The following DPP10 variants were observed in gnomAD, a reference collection of about 807,000 sequenced individuals.
DPP10 encodes the protein dipeptidyl peptidase like 10.
In DPP10, 33 loss-of-function variants were observed where a neutral mutation model predicts 120.9. That is an observed-to-expected ratio of 0.27 (90% CI 0.21 to 0.37). The LOEUF (loss-of-function observed/expected upper bound fraction) is 0.37. Ranked by LOEUF, DPP10 falls within the 10% of genes least tolerant of loss-of-function variation. DPP10 has a pLI of 1.00. For synonymous variants in DPP10, 337 were observed against 326.1 expected (o/e 1.03, Z -0.36); for missense variants, 816 against 942.8 (o/e 0.87, Z 1.76).
At chr2:114,518,322 C>T (rs2104633238) in intron 1 of DPP10, among the ~76,000 whole-genome samples, 1 of 152,200 alleles carries the variant, frequency 6.6e-6, no homozygotes, top group South Asian at 2.1e-4. Context: ...AGGTAGTCCA[C>T]CTGCCTCGGC....
intron 1 of DPP10, among the ~76,000 whole-genome samples, chr2:114,824,581 G>A (rs1407630553): frequency 1.3e-5 from 2 of 151,684 alleles, no homozygotes; most frequent in Non-Finnish European, 1.5e-5. Context: ...GTTCATTTCA[G>A]ATATTTGGTA....
At chr2:114,626,747 T>C (rs934937734) in intron 1 of DPP10, among the ~76,000 whole-genome samples, 2 of 152,088 alleles carry the variant, frequency 1.3e-5, no homozygotes, top group Non-Finnish European at 2.9e-5. Flanking sequence ...AATATTTTAA[T>C]AGGTATTTAT....
chr2:114,977,397 C>T (rs1465361671), intron 1 of DPP10, among the ~76,000 whole-genome samples: 1 of 152,128 alleles, frequency 6.6e-6, no homozygotes, highest in African/African-American at 2.4e-5. Flanking sequence ...AGTACCTTTG[C>T]TTTTCCTTTG....
intron 1 of DPP10, among the ~76,000 whole-genome samples, chr2:114,923,228 G>C (rs1455627835): frequency 1.3e-5 from 2 of 148,672 alleles, no homozygotes; most frequent in Admixed American, 1.3e-4. Context: ...CTGTCACCCA[G>C]GCTGGAGTGC....
intron 1 of DPP10, among the ~76,000 whole-genome samples, chr2:114,925,528 AC>A (rs1695555501): frequency 6.6e-6 from 1 of 152,158 alleles, no homozygotes; most frequent in South Asian, 2.1e-4. Flanking sequence ...CTTATCTCGC[AC>A]TTTCTGTATG....
At chr2:115,511,219 C>A (rs556750470) in intron 4 of DPP10, among the ~76,000 whole-genome samples, 2 of 152,150 alleles carry the variant, frequency 1.3e-5, no homozygotes, top group East Asian at 3.9e-4. Context: ...ATGGCCTAGG[C>A]TTCTTTTTCA....
chr2:115,394,299 T>C (rs189834095), intron 3 of DPP10, among the ~76,000 whole-genome samples: 44 of 152,192 alleles, frequency 2.9e-4, no homozygotes, highest in African/African-American at 8.9e-4. Flanking sequence ...CCCCAAAGAA[T>C]TGAAATGACT....
chr2:115,222,198 A>G (rs1286361789), intron 1 of DPP10, among the ~76,000 whole-genome samples: 1 of 152,126 alleles, frequency 6.6e-6, no homozygotes, highest in African/African-American at 2.4e-5. Flanking sequence ...GATGAATTTG[A>G]TAATGTATAC....
At chr2:114,700,497 G>C (rs1000782879) in intron 1 of DPP10, among the ~76,000 whole-genome samples, 2 of 152,072 alleles carry the variant, frequency 1.3e-5, no homozygotes, top group African/African-American at 4.8e-5. Context: ...CAAAATTTTA[G>C]GTAAAGTTTC....
chr2:115,064,462 C>T (rs970939087), intron 1 of DPP10: 2 of 245,248 alleles, frequency 8.2e-6, no homozygotes, highest in African/African-American at 4.4e-5. Context: ...GGCTCAGAAC[C>T]GTGTGCCCAA....
At chr2:115,045,434 T>G (rs1704989893) in intron 1 of DPP10, among the ~76,000 whole-genome samples, 1 of 152,218 alleles carries the variant, frequency 6.6e-6, no homozygotes, top group Non-Finnish European at 1.5e-5. Context: ...ATAAATTTCC[T>G]GTACTTGAAT....
At chr2:114,912,315 C>G (rs1694428046) in intron 1 of DPP10, among the ~76,000 whole-genome samples, 1 of 152,090 alleles carries the variant, frequency 6.6e-6, no homozygotes, top group Non-Finnish European at 1.5e-5. Flanking sequence ...TTCATGATTC[C>G]ACATCTACTA....
chr2:114,506,687 C>T (rs937964380), intron 1 of DPP10, among the ~76,000 whole-genome samples: 2 of 152,158 alleles, frequency 1.3e-5, no homozygotes, highest in African/African-American at 4.8e-5. Context: ...CGTGTCCACT[C>T]ACCTGCTCTC....
At chr2:115,454,831 A>G (rs2073395249) in intron 3 of DPP10, among the ~76,000 whole-genome samples, 1 of 151,710 alleles carries the variant, frequency 6.6e-6, no homozygotes, top group South Asian at 2.1e-4. Flanking sequence ...AAATACAAAG[A>G]GATCCATAAT....
intron 8 of DPP10, among the ~76,000 whole-genome samples, chr2:115,734,758 G>T (rs7592075): frequency 1.3e-5 from 2 of 151,774 alleles, no homozygotes; most frequent in Non-Finnish European, 2.9e-5. Context: ...ATTTTTTTCT[G>T]AATGTGTCAT....
At chr2:115,391,271 G>A (rs2067296448) in intron 3 of DPP10, among the ~76,000 whole-genome samples, 1 of 152,100 alleles carries the variant, frequency 6.6e-6, no homozygotes, top group South Asian at 2.1e-4. Context: ...TTATATCTGT[G>A]CTTTCTTATG....
chr2:115,136,560 T>C (rs2050662159), intron 1 of DPP10, among the ~76,000 whole-genome samples: 1 of 152,154 alleles, frequency 6.6e-6, no homozygotes, highest in Non-Finnish European at 1.5e-5. Flanking sequence ...TTCTATGTAA[T>C]GACCTGTTCT....
At chr2:114,725,223 C>T (rs1229561581) in intron 1 of DPP10, among the ~76,000 whole-genome samples, 1 of 152,176 alleles carries the variant, frequency 6.6e-6, no homozygotes, top group Non-Finnish European at 1.5e-5. Context: ...TCTGATGCCT[C>T]AGCTTCTTTC....
intron 3 of DPP10, among the ~76,000 whole-genome samples, chr2:115,484,909 C>A (rs921555463): frequency 8.6e-5 from 13 of 152,040 alleles, no homozygotes; most frequent in African/African-American, 2.7e-4. Flanking sequence ...GATCATCCTT[C>A]TTCTAAAAAC....
Sources: allele counts gnomAD v4.1 joint callset (sites outside exome capture counted in the v4.1 genomes callset), GRCh38; gene constraint gnomAD v4.1.1; transcripts MANE v1.5; gene names NCBI Gene and HGNC (gene_info 2026-07-23, HGNC 2026-07-21).